The following TANK variants were observed in gnomAD, a reference collection of about 807,000 sequenced individuals.
TANK encodes TRAF family member-associated NF-kappa-B activator.
A neutral mutation model predicts 43.6 loss-of-function variants in TANK; 15 were observed. The observed-to-expected ratio is 0.34, with a 90% CI of 0.23 to 0.53. The LOEUF is 0.53. TANK is among the 20% of genes least tolerant of loss of function. The probability of loss-of-function intolerance (pLI) is 0.94; values close to 1 mark genes in which losing one functional copy is unlikely to be tolerated. For synonymous variants in TANK, 162 were observed against 178.2 expected (o/e 0.91, Z 0.73); for missense variants, 417 against 498.6 (o/e 0.84, Z 1.56).
At chr2:161,198,940 A>T (rs1015541432) in intron 2 of TANK, among the ~76,000 whole-genome samples, 8 of 152,142 alleles carry the variant, frequency 5.3e-5, no homozygotes, top group Admixed American at 5.2e-4. Context: ...TTGAAGAAAG[A>T]CTTGTGTAAG....
upstream of TANK, among the ~76,000 whole-genome samples, chr2:161,158,601 T>G (rs114814488): frequency 5.1e-3 from 783 of 152,386 alleles, 7 homozygotes; most frequent in African/African-American, 0.017. Flanking sequence ...AAAATGCCTA[T>G]GCATTCAGCT....
At chr2:161,141,782 AC>A (rs1267097477) in intron 1 of TANK, among the ~76,000 whole-genome samples, 1 of 152,202 alleles carries the variant, frequency 6.6e-6, no homozygotes, top group African/African-American at 2.4e-5. Flanking sequence ...ATAGTGCTGC[AC>A]GAAACATATG....
Position 161,179,611 on chromosome 2 carries a change from C to A in TANK, c.-49-3C>A. 1 of 1,596,472 alleles carries A rather than the reference C, an allele frequency of 6.3e-7. No homozygotes were observed. The highest frequency in any genetic ancestry group is 8.5e-7 in the Non-Finnish European group (1 of 1,171,662). On this transcript the variant is annotated splice_polypyrimidine_tract_variant and splice_region_variant and intron_variant, in intron 1 of 7. Transcript: ENST00000392749. ...TATCTAAATTGATCTCATTATTTTGCAGACCTGTCATTTACTCCATCCTTT... is the reference window on the plus strand; with the variant it reads ...TATCTAAATTGATCTCATTATTTTGAAGACCTGTCATTTACTCCATCCTTT...
intron 1 of TANK, among the ~76,000 whole-genome samples, chr2:161,171,887 G>T (rs913496280): frequency 6.6e-6 from 1 of 152,098 alleles, no homozygotes; most frequent in Non-Finnish European, 1.5e-5. Context: ...ACCTTTTTGA[G>T]ATTACTGAAA....
intron 7 of TANK, 108 bp from the exon 8 acceptor site, chr2:161,235,234 A>T (rs1380092115): frequency 1.1e-6 from 1 of 913,252 alleles, no homozygotes; most frequent in Admixed American, 2.8e-5. Context: ...TATATTAGGG[A>T]ATTCAATATA....
chr2:161,187,656 A>G (rs1329010603), intron 2 of TANK, among the ~76,000 whole-genome samples: 1 of 152,148 alleles, frequency 6.6e-6, no homozygotes, highest in Non-Finnish European at 1.5e-5. Context: ...ACTTTAAATA[A>G]TGGATAGAAC....
chr2:161,178,486 C>G (rs61210596), intron 1 of TANK, among the ~76,000 whole-genome samples: 16,650 of 151,214 alleles, frequency 0.11, 1,636 homozygotes, highest in African/African-American at 0.26. Flanking sequence ...AAGATTAATG[C>G]TTACCAGGAG....
chr2:161,206,746 T>G (rs77717434), intron 4 of TANK, among the ~76,000 whole-genome samples: 6,188 of 152,182 alleles, frequency 0.041, 264 homozygotes, highest in East Asian at 0.18. Context: ...GGAATGCAAT[T>G]TTTTTACTAG....
chr2:161,178,423 C>T (rs1685263597), intron 1 of TANK, among the ~76,000 whole-genome samples: 3 of 151,438 alleles, frequency 2.0e-5, no homozygotes, highest in Admixed American at 6.6e-5. Flanking sequence ...TTGTATTATT[C>T]CATTTATATG....
chr2:161,153,677 G>A (rs1684141109), intron 1 of TANK, among the ~76,000 whole-genome samples: 1 of 130,998 alleles, frequency 7.6e-6, no homozygotes, highest in African/African-American at 2.9e-5. Flanking sequence ...ACAACAGTGA[G>A]GCCCTGTCTC....
chr2:161,138,118 T>C (rs890547239), intron 1 of TANK: 1 of 214,102 alleles, frequency 4.7e-6, no homozygotes, highest in African/African-American at 2.4e-5. Context: ...ACAGTTATAG[T>C]AAACTAGTCT....
Position 161,197,849 on chromosome 2 carries a change from A to G in TANK, c.100-5638A>G, listed in dbSNP as rs185505567. On this transcript the variant is annotated intron_variant, in intron 2 of 7. Transcript: ENST00000392749. ...ATCACAATGGGGATTAAGTTTCAACATGAATTTTGGTGGGGACACACATTC... is the reference window on the plus strand; with the variant it reads ...ATCACAATGGGGATTAAGTTTCAACGTGAATTTTGGTGGGGACACACATTC... Among the ~76,000 whole-genome samples, 145 of 152,280 alleles carry G rather than the reference A, an allele frequency of 9.5e-4. 1 individual carries two copies. The highest frequency in any genetic ancestry group is 1.6e-3 in the Non-Finnish European group (108 of 68,012).
chr2:161,228,729 C>G (rs1241299676), intron 6 of TANK, among the ~76,000 whole-genome samples: 4 of 152,218 alleles, frequency 2.6e-5, no homozygotes, highest in South Asian at 2.1e-4. Flanking sequence ...AGAGCAACCT[C>G]CGGTCCTGCA....
chr2:161,235,468 AG>A lies in TANK; in HGVS notation c.1234del (p.Asp412IlefsTer27). 1 of 1,613,942 alleles carries A rather than the reference AG, an allele frequency of 6.2e-7. No homozygotes were observed. Among genetic ancestry groups the A allele is most frequent in the Non-Finnish European group, 8.5e-7 (1 of 1,179,930 alleles). ...QAVFPPSITS[R>X]GDFLRHLNSH... Reference sequence around the variant, plus strand: ...AGTTTTCCCACCATCCATTACATCCAGGGGGGATTTCCTTCGGCATCTTAAT... The same window carrying A: ...AGTTTTCCCACCATCCATTACATCCAGGGGGATTTCCTTCGGCATCTTAAT... On this transcript the variant is annotated frameshift_variant, in exon 8 of 8. Transcript: ENST00000392749. LOFTEE classifies it high-confidence loss of function.
At chr2:161,140,856 G>A (rs1683726777) in intron 1 of TANK, among the ~76,000 whole-genome samples, 1 of 151,574 alleles carries the variant, frequency 6.6e-6, no homozygotes, top group Non-Finnish European at 1.5e-5. Flanking sequence ...AACCATTTTA[G>A]ATTTAGAGAA....
intron 4 of TANK, chr2:161,211,914 T>TA: frequency 1.0e-6 from 1 of 983,466 alleles, no homozygotes; most frequent in East Asian, 1.1e-4. Context: ...TACCCTATTT[T>TA]TATATATAAT....
intron 1 of TANK, chr2:161,161,557 C>T (rs568472380): frequency 1.5e-6 from 2 of 1,367,584 alleles, no homozygotes; most frequent in Admixed American, 5.5e-5. Flanking sequence ...CCAAGCCTTC[C>T]ACATCTTTCC....
upstream of TANK, among the ~76,000 whole-genome samples, chr2:161,158,769 C>T (rs1403287685): frequency 1.3e-5 from 2 of 152,052 alleles, no homozygotes; most frequent in Admixed American, 1.3e-4. Context: ...AAAAGACAAG[C>T]CACAGACAAG....
chr2:161,211,341 G>A (rs777807076), intron 4 of TANK, among the ~76,000 whole-genome samples: 64 of 152,200 alleles, frequency 4.2e-4, no homozygotes, highest in Non-Finnish European at 8.2e-4. Flanking sequence ...AGGGATCTTC[G>A]TCTGAGTTTT....
Sources: allele counts gnomAD v4.1 joint callset (sites outside exome capture counted in the v4.1 genomes callset), GRCh38; gene constraint gnomAD v4.1.1; transcripts MANE v1.5; gene names NCBI Gene and HGNC (gene_info 2026-07-23, HGNC 2026-07-21).